The following RCAN2 variants were observed in gnomAD, a reference collection of about 807,000 sequenced individuals.
RCAN2 encodes calcipressin-2.
A neutral mutation model predicts 23.6 loss-of-function variants in RCAN2; 9 were observed. The observed-to-expected ratio is 0.38, with a 90% CI of 0.23 to 0.67. RCAN2 has a LOEUF of 0.67. Ranked by LOEUF, RCAN2 falls within the 30% of genes least tolerant of loss-of-function variation. RCAN2 has a pLI of 0.51. For missense variants in RCAN2, 273 were observed against 302.3 expected, an observed-to-expected ratio of 0.90 and a Z score of 0.72; for synonymous variants, 109 against 115.7, an observed-to-expected ratio of 0.94 and a Z score of 0.37.
chr6:46,376,585 C>A (rs915602505), intron 2 of RCAN2, among the ~76,000 whole-genome samples: 1 of 152,078 alleles, frequency 6.6e-6, no homozygotes, highest in African/African-American at 2.4e-5. Context: ...GAGGCTGAGG[C>A]AGAAGAATCG....
rs141350149 is a variant in RCAN2, at chr6:46,230,878, C to T, written c.572-7577G>A. On this transcript the variant is annotated intron_variant, in intron 4 of 4. Transcript: ENST00000371374. ...GCTGTAGACTGGAGCTCTTCCTATC[C>T]GGCCATCTTGGAACCTCTCTCCAAG... Among the ~76,000 whole-genome samples the T allele has an allele frequency of 5.9e-3, 897 of 152,290 alleles. 8 individuals carry two copies. Among genetic ancestry groups the T allele is most frequent in the African/African-American group, 0.02 (830 of 41,568 alleles).
At chr6:46,482,113 C>T (rs1199246991) in intron 1 of RCAN2, among the ~76,000 whole-genome samples, 1 of 151,998 alleles carries the variant, frequency 6.6e-6, no homozygotes, top group African/African-American at 2.4e-5. Flanking sequence ...GATAAGCTCT[C>T]ACTAAACTAG....
chr6:46,285,147 C>T (rs917458885), intron 2 of RCAN2, among the ~76,000 whole-genome samples: 2 of 152,180 alleles, frequency 1.3e-5, no homozygotes, highest in Non-Finnish European at 2.9e-5. Context: ...TACCCTAAAA[C>T]CTTATTGAAT....
chr6:46,337,337 T>C (rs184591395), intron 2 of RCAN2, among the ~76,000 whole-genome samples: 153 of 152,344 alleles, frequency 1.0e-3, no homozygotes, highest in African/African-American at 3.4e-3. Flanking sequence ...TTTCTTCTTG[T>C]GCTAAAACCT....
At chr6:46,344,881 G>A (rs1315383556) in intron 2 of RCAN2, among the ~76,000 whole-genome samples, 3 of 152,076 alleles carry the variant, frequency 2.0e-5, no homozygotes, top group Middle Eastern at 3.4e-3. Context: ...TTATTTAAAT[G>A]TAAATGAATT....
chr6:46,478,787 G>A (rs1768780647), intron 1 of RCAN2, among the ~76,000 whole-genome samples: 3 of 152,224 alleles, frequency 2.0e-5, no homozygotes, highest in Admixed American at 2.0e-4. Flanking sequence ...GACAGACTGA[G>A]AGATCTTTTA....
intron 2 of RCAN2, among the ~76,000 whole-genome samples, chr6:46,456,322 T>G (rs1290102610): frequency 6.6e-6 from 1 of 152,206 alleles, no homozygotes; most frequent in East Asian, 1.9e-4. Flanking sequence ...TAAGAAGGCT[T>G]TTTTAGAACA....
intron 4 of RCAN2, among the ~76,000 whole-genome samples, chr6:46,232,881 C>T (rs573811390): frequency 6.6e-6 from 1 of 151,880 alleles, no homozygotes; most frequent in East Asian, 1.9e-4. Flanking sequence ...TACCCATCAG[C>T]CCTAAGTGCT....
intron 4 of RCAN2, among the ~76,000 whole-genome samples, chr6:46,240,507 G>T (rs1274062321): frequency 6.6e-6 from 1 of 152,030 alleles, no homozygotes; most frequent in Non-Finnish European, 1.5e-5. Context: ...TTGAACATGT[G>T]CTCCAGGATC....
At chr6:46,344,973 C>T (rs1256536554) in intron 2 of RCAN2, among the ~76,000 whole-genome samples, 1 of 151,638 alleles carries the variant, frequency 6.6e-6, no homozygotes, top group African/African-American at 2.4e-5. Flanking sequence ...TATGTATATG[C>T]AAAACTATAA....
At chr6:46,481,558 A>G (rs1299971624) in intron 1 of RCAN2, among the ~76,000 whole-genome samples, 1 of 152,220 alleles carries the variant, frequency 6.6e-6, no homozygotes, top group Non-Finnish European at 1.5e-5. Context: ...ACATTTCTAT[A>G]ACTCTTCATA....
intron 2 of RCAN2, among the ~76,000 whole-genome samples, chr6:46,412,331 A>G (rs1015092825): frequency 2.0e-5 from 3 of 152,140 alleles, no homozygotes; most frequent in African/African-American, 7.2e-5. Flanking sequence ...TTTGAGAAGA[A>G]GTTCCAACTT....
intron 1 of RCAN2, among the ~76,000 whole-genome samples, chr6:46,460,146 C>G (rs945553591): frequency 6.6e-6 from 1 of 152,018 alleles, no homozygotes; most frequent in African/African-American, 2.4e-5. Flanking sequence ...CAACCTCCAA[C>G]TCCTGGGTTC....
chr6:46,233,831 G>A (rs761324067), intron 4 of RCAN2, among the ~76,000 whole-genome samples: 2 of 150,818 alleles, frequency 1.3e-5, no homozygotes, highest in African/African-American at 4.9e-5. Flanking sequence ...GGGTTCAAAC[G>A]ATTCTCCTGC....
At chr6:46,451,121 G>A (rs187948962) in intron 2 of RCAN2, among the ~76,000 whole-genome samples, 1 of 152,108 alleles carries the variant, frequency 6.6e-6, no homozygotes, top group Non-Finnish European at 1.5e-5. Flanking sequence ...AAAATACATT[G>A]AATTGCTCAC....
intron 2 of RCAN2, among the ~76,000 whole-genome samples, chr6:46,360,767 T>C (rs917925527): frequency 6.6e-6 from 1 of 152,138 alleles, no homozygotes; most frequent in Non-Finnish European, 1.5e-5. Context: ...CAAATCTGTA[T>C]TGGTTCTATC....
intron 2 of RCAN2, among the ~76,000 whole-genome samples, chr6:46,253,524 CAT>C (rs1582033628): frequency 6.6e-6 from 1 of 152,164 alleles, no homozygotes; most frequent in Admixed American, 6.5e-5. Context: ...AAGTGCTTCT[CAT>C]GTGTACTTTC....
rs539244151 is a variant in RCAN2, at chr6:46,464,708, A to G, written c.-2-7730T>C. ...CTATGTGAACCTCATGCTATTCTTG[A>G]TATCATTTGGGATCAGTCTTGAAAG... is the stretch of plus-strand genomic sequence containing the variant. On this transcript the variant is annotated intron_variant, in intron 1 of 4. Transcript: ENST00000371374. Among the ~76,000 whole-genome samples, 8 of 152,290 alleles carry G rather than the reference A, an allele frequency of 5.3e-5. No individual in the cohort carries two copies. In the South Asian group the frequency reaches 1.7e-3, roughly 32 times the overall value.
At chr6:46,445,803 A>C (rs888710438) in intron 2 of RCAN2, among the ~76,000 whole-genome samples, 3 of 151,236 alleles carry the variant, frequency 2.0e-5, no homozygotes, top group Admixed American at 6.6e-5. Context: ...GTCAACAGCG[A>C]ACTGGTGAAG....
Sources: gnomAD v4.1 joint callset for allele counts (sites outside exome capture counted in the v4.1 genomes callset) on GRCh38, gnomAD v4.1.1 for gene constraint, MANE v1.5 for transcripts, NCBI Gene and HGNC (gene_info 2026-07-23, HGNC 2026-07-21) for gene names.